The following LRFN5 variants were observed in gnomAD, a reference collection of about 807,000 sequenced individuals.
LRFN5 encodes leucine-rich repeat and fibronectin type-III domain-containing protein 5.
LRFN5 carries 24 observed loss-of-function variants against 45.6 expected under a neutral mutation model. The observed-to-expected ratio is 0.53, with a 90% confidence interval of 0.38 to 0.74. The LOEUF is 0.74. LRFN5 is among the 30% of genes least tolerant of loss of function. LRFN5 has a pLI of 0.00. For missense variants in LRFN5, 776 were observed against 861.5 expected (o/e 0.90, Z 1.24); for synonymous variants, 340 against 313.8 (o/e 1.08, Z -0.88).
At chr14:41,895,602 G>T (rs1333550463) in intron 4 of LRFN5, among the ~76,000 whole-genome samples, 1 of 151,908 alleles carries the variant, frequency 6.6e-6, no homozygotes, top group Non-Finnish European at 1.5e-5. Context: ...TCCAGCCTGG[G>T]TGACAGAGAG....
intron 1 of LRFN5, among the ~76,000 whole-genome samples, chr14:41,753,261 T>C (rs192763524): frequency 0.043 from 6,570 of 151,496 alleles, 192 homozygotes; most frequent in Middle Eastern, 0.062. Flanking sequence ...TCTTTTTTGG[T>C]TCCATATGAA....
chr14:41,648,171 C>A (rs712407), intron 1 of LRFN5, among the ~76,000 whole-genome samples: 99,860 of 151,848 alleles, frequency 0.66, 33,433 homozygotes, highest in East Asian at 0.79. Context: ...TATAATAATT[C>A]TTTTTACCAC....
chr14:41,663,494 C>T (rs1007323524), intron 1 of LRFN5, among the ~76,000 whole-genome samples: 6 of 151,838 alleles, frequency 4.0e-5, no homozygotes, highest in African/African-American at 1.5e-4. Context: ...TACTATGAAC[C>T]CTTTGTGTAA....
intron 2 of LRFN5, among the ~76,000 whole-genome samples, chr14:41,817,896 C>T (rs1057053879): frequency 6.6e-6 from 1 of 152,058 alleles, no homozygotes; most frequent in African/African-American, 2.4e-5. Context: ...ATAGTGGTTC[C>T]TTCTGAGGTT....
At chr14:41,798,148 A>G (rs928421696) in intron 2 of LRFN5, among the ~76,000 whole-genome samples, 5 of 151,890 alleles carry the variant, frequency 3.3e-5, no homozygotes, top group Non-Finnish European at 7.4e-5. Context: ...CATGGAATCA[A>G]CTTATTTCTT....
At chr14:41,636,352 A>C (rs1352750067) in intron 1 of LRFN5, among the ~76,000 whole-genome samples, 1 of 152,118 alleles carries the variant, frequency 6.6e-6, no homozygotes, top group African/African-American at 2.4e-5. Context: ...TTAGGAGTTA[A>C]ACATTTTCAT....
At chr14:41,900,947 G>A (rs144183307) in intron 5 of LRFN5, among the ~76,000 whole-genome samples, 4 of 152,118 alleles carry the variant, frequency 2.6e-5, no homozygotes, top group East Asian at 1.9e-4. Flanking sequence ...CGAGTTTTCC[G>A]TAGCCAGTCA....
chr14:41,826,538 T>C (rs932194197), intron 2 of LRFN5, among the ~76,000 whole-genome samples: 13 of 152,196 alleles, frequency 8.5e-5, no homozygotes, highest in African/African-American at 3.1e-4. Context: ...TACCTAGGGA[T>C]ATTATAGAAA....
chr14:41,802,234 C>T (rs1402713610), intron 2 of LRFN5, among the ~76,000 whole-genome samples: 2 of 151,992 alleles, frequency 1.3e-5, no homozygotes, highest in African/African-American at 4.8e-5. Flanking sequence ...GATGTGGGCT[C>T]AAGTCAGAAT....
intron 2 of LRFN5, among the ~76,000 whole-genome samples, chr14:41,851,113 T>C (rs977580896): frequency 6.6e-6 from 1 of 151,794 alleles, no homozygotes; most frequent in African/African-American, 2.4e-5. Flanking sequence ...GGTAGCAATA[T>C]TGTAGTACAC....
At chr14:41,678,235 GATAC>G (rs970471721) in intron 1 of LRFN5, among the ~76,000 whole-genome samples, 26 of 151,744 alleles carry the variant, frequency 1.7e-4, no homozygotes, top group African/African-American at 5.8e-4. Flanking sequence ...CTACCTGGAA[GATAC>G]ATGCATACAT....
intron 4 of LRFN5, 98 bp downstream of exon 4, chr14:41,892,060 G>A (rs1890805538): frequency 1.3e-6 from 2 of 1,502,980 alleles, no homozygotes; most frequent in Admixed American, 5.3e-5. Context: ...TTAACTCGCC[G>A]AACACATGTG....
At chr14:41,838,080 A>AC (rs1236630623) in intron 2 of LRFN5, among the ~76,000 whole-genome samples, 1 of 152,184 alleles carries the variant, frequency 6.6e-6, no homozygotes, top group Admixed American at 6.5e-5. Flanking sequence ...GTAAAAAGGA[A>AC]ATGTGTGCTT....
At chr14:41,668,277 G>A (rs1274689235) in intron 1 of LRFN5, among the ~76,000 whole-genome samples, 1 of 152,014 alleles carries the variant, frequency 6.6e-6, no homozygotes, top group Non-Finnish European at 1.5e-5. Context: ...CACAAAATAA[G>A]CCTCTTTTAT....
At chr14:41,844,327 C>T (rs914237544) in intron 2 of LRFN5, among the ~76,000 whole-genome samples, 1 of 151,568 alleles carries the variant, frequency 6.6e-6, no homozygotes, top group Admixed American at 6.6e-5. Flanking sequence ...GTCCCAGCTA[C>T]TCGGGAGGCT....
At chr14:41,671,234 A>T (rs1464307079) in intron 1 of LRFN5, among the ~76,000 whole-genome samples, 1 of 152,142 alleles carries the variant, frequency 6.6e-6, no homozygotes, top group Admixed American at 6.5e-5. Flanking sequence ...TCAATATCGT[A>T]ATCATCTAAG....
chr14:41,632,679 G>A (rs1238785978), intron 1 of LRFN5, among the ~76,000 whole-genome samples: 2 of 152,092 alleles, frequency 1.3e-5, no homozygotes, highest in African/African-American at 4.8e-5. Context: ...GAGAGTTTGA[G>A]TTATAAGAAA....
chr14:41,897,248 A>T (rs1217702217), intron 4 of LRFN5, among the ~76,000 whole-genome samples: 2 of 151,992 alleles, frequency 1.3e-5, no homozygotes, highest in Admixed American at 1.3e-4. Flanking sequence ...ATATTTAAGT[A>T]GTAAATTACC....
At chr14:41,625,039 C>G (rs1594559994) in intron 1 of LRFN5, among the ~76,000 whole-genome samples, 2 of 151,898 alleles carry the variant, frequency 1.3e-5, no homozygotes, top group South Asian at 2.1e-4. Flanking sequence ...ACTACTATTT[C>G]TATTCATATT....
Sources: gnomAD v4.1 joint callset for allele counts (sites outside exome capture counted in the v4.1 genomes callset) on GRCh38, gnomAD v4.1.1 for gene constraint, MANE v1.5 for transcripts, NCBI Gene and HGNC (gene_info 2026-07-23, HGNC 2026-07-21) for gene names.